TSNARE1: variants seen among roughly 807,000 people sequenced by gnomAD.
TSNARE1 encodes t-SNARE domain-containing protein 1.
TSNARE1 carries 49 observed loss-of-function variants against 62.0 expected under a neutral mutation model. The observed-to-expected ratio is 0.79, with a 90% CI of 0.63 to 1.00. TSNARE1 has a LOEUF of 1.00. Ranked by LOEUF, TSNARE1 falls within the 50% of genes least tolerant of loss-of-function variation. TSNARE1 has a pLI of 0.00. For missense variants in TSNARE1, 755 were observed against 700.1 expected (o/e 1.08, Z -0.88); for synonymous variants, 328 against 294.4 (o/e 1.11, Z -1.17).
chr8:142,342,068 T>C (rs1468281717), intron 4 of TSNARE1, among the ~76,000 whole-genome samples: 2 of 152,226 alleles, frequency 1.3e-5, no homozygotes, highest in Non-Finnish European at 2.9e-5. Flanking sequence ...GGCCCTGTCC[T>C]CGGACACAGC....
chr8:142,318,497 G>A (rs765353586), intron 7 of TSNARE1, 47 bp downstream of exon 7: 5 of 1,566,756 alleles, frequency 3.2e-6, no homozygotes, highest in South Asian at 1.1e-5. Flanking sequence ...ACAGGCAGAG[G>A]GGTCCATTCC....
intron 9 of TSNARE1, among the ~76,000 whole-genome samples, chr8:142,303,097 C>G (rs1826040032): frequency 6.6e-6 from 1 of 152,190 alleles, no homozygotes; most frequent in Non-Finnish European, 1.5e-5. Context: ...TCTGCCGGCT[C>G]CCCCAGCGCT....
chr8:142,344,296 T>C lies in TSNARE1; in HGVS notation c.415A>G (p.Lys139Glu). The C allele has an allele frequency of 1.8e-5, 28 of 1,599,408 alleles. No homozygotes were observed. The highest frequency in any genetic ancestry group is 2.2e-5 in the Non-Finnish European group (26 of 1,169,480). The change falls in exon 4 of 14, where the codon AAG becomes GAG. Residue 139 changes from lysine (K) to glutamate (E), a missense_variant. Physicochemically the swap from Lys to Glu is moderately conservative, Grantham distance 56. Coordinates refer to ENST00000524325, the MANE Select transcript of TSNARE1 (RefSeq NM_145003.5). ...CPQETEVLVS[K>E]VSKHHQLLFG... ...AGCAGCTGGTGGTGCTTGCTCACCT[T>C]GGACACCAGCACCTCGGTCTCCTGC...
intron 1 of TSNARE1, among the ~76,000 whole-genome samples, chr8:142,357,166 C>T (rs1469901609): frequency 1.3e-5 from 2 of 152,188 alleles, no homozygotes; most frequent in Non-Finnish European, 2.9e-5. Flanking sequence ...GGAAGAGAAT[C>T]GTCAGGAACA....
chr8:142,292,583 G>A (rs1024487304), intron 10 of TSNARE1, among the ~76,000 whole-genome samples: 4 of 152,160 alleles, frequency 2.6e-5, no homozygotes, highest in African/African-American at 9.7e-5. Flanking sequence ...GACCCCAGGA[G>A]GCTGTCGATG....
intron 1 of TSNARE1, among the ~76,000 whole-genome samples, chr8:142,358,640 G>C (rs1302990829): frequency 2.0e-5 from 3 of 152,026 alleles, no homozygotes; most frequent in East Asian, 3.9e-4. Flanking sequence ...GCTAACCCAC[G>C]GTCAGGGCCA....
intron 9 of TSNARE1, among the ~76,000 whole-genome samples, chr8:142,302,195 A>G (rs1825898112): frequency 6.6e-6 from 1 of 151,652 alleles, no homozygotes; most frequent in Non-Finnish European, 1.5e-5. Context: ...GAGCAGACCC[A>G]TGGCGCCCTC....
At chr8:142,283,105 G>A (rs1480034923) in intron 11 of TSNARE1, among the ~76,000 whole-genome samples, 6 of 150,070 alleles carry the variant, frequency 4.0e-5, no homozygotes, top group African/African-American at 1.5e-4. Context: ...GCAGAGGGGA[G>A]GCCACTGTCT....
intron 13 of TSNARE1, among the ~76,000 whole-genome samples, chr8:142,217,463 G>T (rs1815936704): frequency 6.6e-6 from 1 of 152,178 alleles, no homozygotes; most frequent in South Asian, 2.1e-4. Flanking sequence ...GCTGTCCATG[G>T]TGCTGAGATC....
intron 1 of TSNARE1, among the ~76,000 whole-genome samples, chr8:142,400,198 C>T (rs1838185340): frequency 6.6e-6 from 1 of 152,170 alleles, no homozygotes; most frequent in Non-Finnish European, 1.5e-5. Context: ...AATCCCAGCA[C>T]TTTGGGAGGC....
intron 1 of TSNARE1, among the ~76,000 whole-genome samples, chr8:142,364,614 A>T (rs905434087): frequency 6.6e-6 from 1 of 152,206 alleles, no homozygotes; most frequent in African/African-American, 2.4e-5. Context: ...CCAGGACTAT[A>T]CCCAGGAAAG....
At chr8:142,376,292 G>T (rs1303103309) in intron 1 of TSNARE1, among the ~76,000 whole-genome samples, 1 of 152,200 alleles carries the variant, frequency 6.6e-6, no homozygotes, top group African/African-American at 2.4e-5. Context: ...AGAACCGCAA[G>T]GGCGACCCTG....
At chr8:142,401,956 A>T (rs1231278437) in intron 1 of TSNARE1, among the ~76,000 whole-genome samples, 1 of 152,168 alleles carries the variant, frequency 6.6e-6, no homozygotes, top group Non-Finnish European at 1.5e-5. Context: ...CACTGGGAGT[A>T]TCCTAAGCAA....
intron 1 of TSNARE1, among the ~76,000 whole-genome samples, chr8:142,390,961 ACGC>A: frequency 7.3e-6 from 1 of 137,402 alleles, no homozygotes; most frequent in South Asian, 2.5e-4. Flanking sequence ...TCTATAGCAG[ACGC>A]TGTACACTGC....
At position 142,222,584 on chromosome 8, in the gene TSNARE1, T is replaced by C. The variant is rs1563755530; in HGVS notation, c.*11+6889A>G. ...CTCATTCACTCACTCAGCCACTCAT[T>C]CACTCACTCATTCATCCACTCACTC... is the stretch of plus-strand genomic sequence containing the variant. On this transcript the variant is annotated intron_variant, in intron 13 of 13. Coordinates refer to ENST00000524325, the MANE Select transcript of TSNARE1 (RefSeq NM_145003.5). Among the ~76,000 whole-genome samples the C allele has an allele frequency of 6.6e-3, 857 of 130,352 alleles. 305 individuals carry two copies. The highest frequency in any genetic ancestry group is 9.7e-3 in the Non-Finnish European group (586 of 60,618). The allele number at this position is 130,352 out of a possible 152,430, so 85.5% of individuals were successfully genotyped here.
At chr8:142,288,810 T>C (rs930991448) in intron 10 of TSNARE1, among the ~76,000 whole-genome samples, 2 of 152,186 alleles carry the variant, frequency 1.3e-5, no homozygotes, top group Non-Finnish European at 2.9e-5. Flanking sequence ...AAATGTTAAT[T>C]TGCACCACAG....
At chr8:142,238,392 C>T (rs1293538601) in intron 12 of TSNARE1, among the ~76,000 whole-genome samples, 1 of 152,080 alleles carries the variant, frequency 6.6e-6, no homozygotes, top group African/African-American at 2.4e-5. Context: ...TGAACTCTTG[C>T]CACAAGTCAG....
chr8:142,304,028 C>T (rs1475442844), intron 9 of TSNARE1, among the ~76,000 whole-genome samples: 1 of 152,286 alleles, frequency 6.6e-6, no homozygotes, highest in Non-Finnish European at 1.5e-5. Flanking sequence ...TAGCCAGGTT[C>T]TCCTTCCCAA....
chr8:142,215,380 G>A (rs1393802551), intron 13 of TSNARE1, among the ~76,000 whole-genome samples: 1 of 152,154 alleles, frequency 6.6e-6, no homozygotes, highest in Non-Finnish European at 1.5e-5. Context: ...CTAATGCGAG[G>A]TGGCAGCAAT....
Sources: gnomAD v4.1 joint callset for allele counts (sites outside exome capture counted in the v4.1 genomes callset) on GRCh38, gnomAD v4.1.1 for gene constraint, MANE v1.5 for transcripts, NCBI Gene and HGNC (gene_info 2026-07-23, HGNC 2026-07-21) for gene names.